RNLS: variants seen among roughly 807,000 people sequenced by gnomAD.
RNLS encodes renalase.
Under a neutral mutation model 39.8 loss-of-function variants are expected in RNLS, and 39 were observed. The observed-to-expected ratio is 0.98, with a 90% CI of 0.76 to 1.28. The LOEUF is 1.28. Ranked by LOEUF, RNLS falls within the 50% of genes most tolerant of loss-of-function variation. The pLI is 0.00. For missense variants in RNLS, 410 were observed against 413.3 expected (o/e 0.99, Z 0.07); for synonymous variants, 147 against 150.7 (o/e 0.98, Z 0.18).
chr10:88,273,438 A>G (rs1405273104), downstream of RNLS, among the ~76,000 whole-genome samples: 3 of 152,240 alleles, frequency 2.0e-5, no homozygotes, highest in Admixed American at 6.5e-5. Flanking sequence ...TTCTTGACTT[A>G]GCATTACATA....
intron 4 of RNLS, among the ~76,000 whole-genome samples, chr10:88,466,292 T>C (rs906337558): frequency 6.6e-6 from 1 of 152,006 alleles, no homozygotes; most frequent in Admixed American, 6.6e-5. Context: ...AATTCTGTCA[T>C]GAGGGCCGGG....
chr10:88,261,308 C>T, the RNLS span, among the ~76,000 whole-genome samples: 3 of 152,206 alleles, frequency 2.0e-5, no homozygotes, highest in African/African-American at 7.2e-5. Context: ...ATATTAGACA[C>T]CCTCTGCCCC....
chr10:88,494,957 GAA>G (rs1845084700), intron 4 of RNLS, among the ~76,000 whole-genome samples: 1 of 152,098 alleles, frequency 6.6e-6, no homozygotes, highest in Non-Finnish European at 1.5e-5. Context: ...TCCTATGTCT[GAA>G]AAAGTCCAGG....
intron 4 of RNLS, among the ~76,000 whole-genome samples, chr10:88,497,690 G>T (rs556505892): frequency 6.6e-6 from 1 of 152,076 alleles, no homozygotes; most frequent in South Asian, 2.1e-4. Context: ...GAACAAGCAG[G>T]AGAAAAACTA....
Position 88,524,994 on chromosome 10 carries a change from TATATAC to T in RNLS, c.526+47903_526+47908del, listed in dbSNP as rs1320460071. Among the ~76,000 whole-genome samples the T allele has an allele frequency of 2.2e-3, 282 of 127,478 alleles. 1 individual carries two copies. The highest frequency in any genetic ancestry group is 5.3e-3 in the South Asian group (20 of 3,796). The allele number at this position is 127,478 out of a possible 152,430, so 83.6% of individuals were successfully genotyped here. A position where few individuals can be genotyped will look rare whatever the true frequency, so the allele number is the denominator to read the frequency against. On this transcript the variant is annotated intron_variant, in intron 4 of 6. Coordinates refer to ENST00000331772, the MANE Select transcript of RNLS (RefSeq NM_001031709.3). Reference sequence around the variant, plus strand: ...ATATATATATATATATATATATATATATATACACACACACACATACTATGTACCCAC... The same window carrying T: ...ATATATATATATATATATATATATATACACACACACATACTATGTACCCAC...
intron 5 of RNLS, among the ~76,000 whole-genome samples, chr10:88,345,232 G>A (rs759405326): frequency 1.3e-5 from 2 of 152,076 alleles, no homozygotes; most frequent in African/African-American, 2.4e-5. Context: ...GATTTCCTGT[G>A]GTGAGATTCT....
intron 4 of RNLS, among the ~76,000 whole-genome samples, chr10:88,481,764 A>G (rs1844185063): frequency 6.6e-6 from 1 of 152,152 alleles, no homozygotes; most frequent in South Asian, 2.1e-4. Flanking sequence ...ATTAACCTAC[A>G]TATCTACCAT....
chr10:88,412,339 T>C (rs1334133816), intron 4 of RNLS, among the ~76,000 whole-genome samples: 1 of 152,000 alleles, frequency 6.6e-6, no homozygotes, highest in African/African-American at 2.4e-5. Context: ...AGCGGGGGTG[T>C]TGAATGAAGA....
chr10:88,433,193 G>A (rs1240453497), intron 4 of RNLS, among the ~76,000 whole-genome samples: 1 of 152,048 alleles, frequency 6.6e-6, no homozygotes, highest in Non-Finnish European at 1.5e-5. Flanking sequence ...GGACAGAACA[G>A]AGAAATTCCA....
At chr10:88,423,926 A>G (rs1442094773) in intron 4 of RNLS, among the ~76,000 whole-genome samples, 3 of 152,220 alleles carry the variant, frequency 2.0e-5, no homozygotes, top group Non-Finnish European at 2.9e-5. Flanking sequence ...TGAGCCAGGC[A>G]TCTGGGCTTT....
At chr10:88,392,483 C>G (rs1275865765) in intron 4 of RNLS, among the ~76,000 whole-genome samples, 1 of 152,184 alleles carries the variant, frequency 6.6e-6, no homozygotes, top group Non-Finnish European at 1.5e-5. Flanking sequence ...CAAATGCACA[C>G]AGAGCCCTTA....
intron 5 of RNLS, among the ~76,000 whole-genome samples, chr10:88,361,622 C>T (rs1214601615): frequency 6.6e-6 from 1 of 152,118 alleles, no homozygotes; most frequent in East Asian, 1.9e-4. Context: ...ATAAAAGAAA[C>T]ATTTTTCTAA....
intron 4 of RNLS, among the ~76,000 whole-genome samples, chr10:88,417,309 T>A (rs1014110050): frequency 2.0e-5 from 3 of 152,208 alleles, no homozygotes; most frequent in African/African-American, 7.2e-5. Context: ...ACAAATTTTT[T>A]AAATTTGGTG....
chr10:88,279,949 A>G (rs993858162), downstream of RNLS, among the ~76,000 whole-genome samples: 2 of 152,080 alleles, frequency 1.3e-5, no homozygotes, highest in Admixed American at 1.3e-4. Flanking sequence ...TTTTGAAGCA[A>G]CCTAGAGCTT....
the RNLS span, among the ~76,000 whole-genome samples, chr10:88,242,723 G>A: frequency 6.6e-6 from 1 of 152,192 alleles, no homozygotes; most frequent in African/African-American, 2.4e-5. Context: ...GGCTGAGGCA[G>A]GCGGATGACC....
At chr10:88,340,616 C>T (rs1011885219) in intron 5 of RNLS, among the ~76,000 whole-genome samples, 15 of 152,074 alleles carry the variant, frequency 9.9e-5, no homozygotes, top group African/African-American at 2.9e-4. Flanking sequence ...ATAAACATTC[C>T]ATTGCATAAA....
chr10:88,268,235 A>T, the RNLS span, among the ~76,000 whole-genome samples: 1 of 152,148 alleles, frequency 6.6e-6, no homozygotes, highest in South Asian at 2.1e-4. Flanking sequence ...ATCTTGTGTT[A>T]GGCAGGATAG....
intron 4 of RNLS, among the ~76,000 whole-genome samples, chr10:88,383,611 A>G (rs1169270912): frequency 1.3e-5 from 2 of 152,126 alleles, no homozygotes; most frequent in Non-Finnish European, 2.9e-5. Flanking sequence ...GTGCAAATGA[A>G]ATTTCCTTAT....
At chr10:88,505,725 A>G (rs1845754584) in intron 4 of RNLS, among the ~76,000 whole-genome samples, 1 of 152,146 alleles carries the variant, frequency 6.6e-6, no homozygotes, top group Non-Finnish European at 1.5e-5. Flanking sequence ...TAACTCATTA[A>G]TTACAAAGGA....
Sources: allele counts gnomAD v4.1 joint callset (sites outside exome capture counted in the v4.1 genomes callset), GRCh38; gene constraint gnomAD v4.1.1; transcripts MANE v1.5; gene names NCBI Gene and HGNC (gene_info 2026-07-23, HGNC 2026-07-21).